The following ST3GAL4 variants were observed in gnomAD, a reference collection of about 807,000 sequenced individuals.
ST3GAL4 encodes the protein CMP-N-acetylneuraminate-beta-galactosamide-alpha-2,3-sialyltransferase 4.
In ST3GAL4, 24 loss-of-function variants were observed where a neutral mutation model predicts 42.6. That is an observed-to-expected ratio of 0.56 (90% CI 0.41 to 0.79). ST3GAL4 has a LOEUF of 0.79. ST3GAL4 is among the 30% of genes least tolerant of loss of function. ST3GAL4 has a pLI of 0.00. For missense variants in ST3GAL4, 311 were observed against 430.8 expected (o/e 0.72, Z 2.46); for synonymous variants, 135 against 163.2 (o/e 0.83, Z 1.32).
chr11:126,383,426 G>GAGC lies in ST3GAL4; in HGVS notation c.-60-22654_-60-22652dup, dbSNP rs371300179. ...GAACCCACTGGGCCTGAGGGAGGTAGAGCAGCAGCAGCAGCAGCTGAGCCC... is the reference window on the plus strand; with the variant it reads ...GAACCCACTGGGCCTGAGGGAGGTAGAGCAGCAGCAGCAGCAGCAGCTGAGCCC... On this transcript the variant is annotated intron_variant, in intron 1 of 10. Transcript: ENST00000444328. The surrounding 1 kb of genome is among the most constrained non-coding windows in gnomAD (Gnocchi z 4.5). 2.0e-5 allele frequency among the ~76,000 whole-genome samples: 3 copies of GAGC among 152,114 alleles called. No homozygotes were observed. Among genetic ancestry groups the GAGC allele is most frequent in the Non-Finnish European group, 2.9e-5 (2 of 68,002 alleles).
Position 126,406,805 on chromosome 11 carries a change from C to T in ST3GAL4, c.102-138C>T. The T allele has an allele frequency of 1.0e-6, 1 of 980,980 alleles. No individual in the cohort carries two copies. The highest frequency in any genetic ancestry group is 1.6e-6 in the Non-Finnish European group (1 of 643,666). The allele number at this position is 980,980 out of a possible 1,614,324, so 60.8% of individuals were successfully genotyped here. ...ACCTGGATCCTCAAGGACTTGGGTT[C>T]CAAGTGGAACTTAACTTGAGATGAT... On this transcript the variant is annotated intron_variant, in intron 3 of 10. Coordinates refer to ENST00000444328, the MANE Select transcript of ST3GAL4 (RefSeq NM_001254757.2). The surrounding 1 kb of genome is among the most constrained non-coding windows in gnomAD (Gnocchi z 5.4).
intron 1 of ST3GAL4, among the ~76,000 whole-genome samples, chr11:126,402,378 C>G (rs988278521): frequency 1.3e-5 from 2 of 150,914 alleles, no homozygotes; most frequent in African/African-American, 4.9e-5. Flanking sequence ...ATCATTTGAA[C>G]CTGGGAGGTG....
rs1231880126 is a variant in ST3GAL4, at chr11:126,359,733, CTCCT to C, written c.-61+3895_-61+3898del. ...GGCAGGACAAGGTTCTTCTCCCTCC[CTCCT>C]TCCCTCCTTCCCTCCTTCCCTCCTT... On this transcript the variant is annotated intron_variant, in intron 1 of 10. Coordinates refer to ENST00000444328, the MANE Select transcript of ST3GAL4 (RefSeq NM_001254757.2). This position sits in a 1 kb window ranked among gnomAD's most constrained non-coding sequence, Gnocchi z 4.8. 3.6e-5 allele frequency among the ~76,000 whole-genome samples: 4 copies of C among 110,342 alleles called. No homozygotes were observed. Among genetic ancestry groups the C allele is most frequent in the African/African-American group, 1.2e-4 (3 of 24,396 alleles). The allele number at this position is 110,342 out of a possible 152,430, so 72.4% of individuals were successfully genotyped here.
intron 1 of ST3GAL4, among the ~76,000 whole-genome samples, chr11:126,382,100 C>T (rs1354319299): frequency 6.6e-6 from 1 of 152,092 alleles, no homozygotes; most frequent in Non-Finnish European, 1.5e-5. Context: ...GCTGACCCTG[C>T]AGCTGTCCAA....
chr11:126,366,609 G>T lies in ST3GAL4; in HGVS notation c.-61+10767G>T, dbSNP rs1468868067. Among the ~76,000 whole-genome samples the T allele has an allele frequency of 2.0e-5, 3 of 152,156 alleles. No individual in the cohort carries two copies. The highest frequency in any genetic ancestry group is 6.5e-5 in the Admixed American group (1 of 15,272). On this transcript the variant is annotated intron_variant, in intron 1 of 10. Transcript: ENST00000444328. This position sits in a 1 kb window ranked among gnomAD's most constrained non-coding sequence, Gnocchi z 4.2. Reference sequence around the variant, plus strand: ...CAGGGCCCTCCCCTCTGGCGAGTCTGCCTCTCACTCGCTCAGCCCCTTTAA... The same window carrying T: ...CAGGGCCCTCCCCTCTGGCGAGTCTTCCTCTCACTCGCTCAGCCCCTTTAA...
chr11:126,360,623 C>G (rs1177735820), intron 1 of ST3GAL4, among the ~76,000 whole-genome samples: 2 of 152,164 alleles, frequency 1.3e-5, no homozygotes, highest in Non-Finnish European at 2.9e-5. Flanking sequence ...AGGGTTTCAT[C>G]ATGTTGGCCA....
chr11:126,408,202 T>A lies in ST3GAL4; in HGVS notation c.437+8T>A. The A allele has an allele frequency of 6.2e-7, 1 of 1,614,076 alleles. No homozygotes were observed. The highest frequency in any genetic ancestry group is 8.5e-7 in the Non-Finnish European group (1 of 1,179,950). On this transcript the variant is annotated splice_region_variant and intron_variant, in intron 7 of 10. Transcript: ENST00000444328. ...GTACGATGTGGTCATCAGGTGTGTGTGACTGTCTCTTCCTACTGTTGTTTG... is the reference window on the plus strand; with the variant it reads ...GTACGATGTGGTCATCAGGTGTGTGAGACTGTCTCTTCCTACTGTTGTTTG...
intron 1 of ST3GAL4, among the ~76,000 whole-genome samples, chr11:126,364,054 A>C (rs1952344870): frequency 1.3e-5 from 2 of 152,214 alleles, no homozygotes; most frequent in Admixed American, 1.3e-4. Flanking sequence ...GCCCTGGGGC[A>C]AGTGTTTGTC....
Position 126,408,474 on chromosome 11 carries a change from C to A in ST3GAL4, c.605C>A (p.Thr202Asn). 1 of 1,614,222 alleles carries A rather than the reference C, an allele frequency of 6.2e-7. No individual in the cohort carries two copies. Among genetic ancestry groups the A allele is most frequent in the Non-Finnish European group, 8.5e-7 (1 of 1,180,040 alleles). The change falls in exon 8 of 11, where the codon ACC becomes AAC. Residue 202 changes from threonine to asparagine, a missense_variant. Coordinates refer to ENST00000444328, the MANE Select transcript of ST3GAL4 (RefSeq NM_001254757.2). ...FKAMDFHWIE[T>N]ILSDKKRVRK... ...GCAATGGACTTCCACTGGATTGAGA[C>A]CATCCTGAGTGATAAGAAGCGGGTA...
Position 126,409,439 on chromosome 11 carries a change from C to T in ST3GAL4, c.771+28C>T. On this transcript the variant is annotated intron_variant, in intron 9 of 10. Transcript: ENST00000444328. The surrounding 1 kb of genome is among the most constrained non-coding windows in gnomAD (Gnocchi z 4.9). ...GATGATGGGAAGTCAGGCCTGAGGG[C>T]TAGGATCCTGGGCGGGAAGTAGGAG... The T allele has an allele frequency of 2.5e-6, 4 of 1,614,000 alleles. No homozygotes were observed. Among genetic ancestry groups the T allele is most frequent in the Non-Finnish European group, 3.4e-6 (4 of 1,179,904 alleles).
Position 126,359,619 on chromosome 11 carries a change from T to A in ST3GAL4, c.-61+3777T>A, listed in dbSNP as rs1952178101. ...AGTGTCAAAGGTGGAACACAAACCCTGACCTCTGAGTGCTCTCCCGAACCC... is the reference window on the plus strand; with the variant it reads ...AGTGTCAAAGGTGGAACACAAACCCAGACCTCTGAGTGCTCTCCCGAACCC... On this transcript the variant is annotated intron_variant, in intron 1 of 10. Transcript: ENST00000444328. The surrounding 1 kb of genome is among the most constrained non-coding windows in gnomAD (Gnocchi z 4.8). Among the ~76,000 whole-genome samples, 1 of 152,196 alleles carries A rather than the reference T, an allele frequency of 6.6e-6. No homozygotes were observed. Among genetic ancestry groups the A allele is most frequent in the African/African-American group, 2.4e-5 (1 of 41,440 alleles).
chr11:126,384,202 C>T lies in ST3GAL4; in HGVS notation c.-60-21894C>T, dbSNP rs1046559035. Among the ~76,000 whole-genome samples the T allele has an allele frequency of 5.3e-5, 8 of 152,194 alleles. No individual in the cohort carries two copies. Among genetic ancestry groups the T allele is most frequent in the Admixed American group, 2.6e-4 (4 of 15,280 alleles). On this transcript the variant is annotated intron_variant, in intron 1 of 10. Transcript: ENST00000444328. This position sits in a 1 kb window ranked among gnomAD's most constrained non-coding sequence, Gnocchi z 5.5. ...CAAGTGCCAGGCTGACCATGGTGTC[C>T]GTCTCAGTGCCCAGCAGTTGTTCTG...
intron 1 of ST3GAL4, among the ~76,000 whole-genome samples, chr11:126,395,696 T>C (rs1953718668): frequency 6.6e-6 from 1 of 152,212 alleles, no homozygotes; most frequent in East Asian, 1.9e-4. Context: ...GTTTCCCTTT[T>C]CACGTGGCTG....
intron 1 of ST3GAL4, among the ~76,000 whole-genome samples, chr11:126,390,707 C>T (rs1160160965): frequency 6.8e-6 from 1 of 146,760 alleles, no homozygotes; most frequent in African/African-American, 2.5e-5. Flanking sequence ...ACCATCTTAA[C>T]TCTTTCTGTG....
At position 126,406,006 on chromosome 11, in the gene ST3GAL4, G is replaced by A; in HGVS notation, c.-60-90G>A. 6.9e-7 allele frequency: 1 copy of A among 1,452,606 alleles called. No homozygotes were observed. Among genetic ancestry groups the A allele is most frequent in the Non-Finnish European group, 9.4e-7 (1 of 1,063,528 alleles). The allele number at this position is 1,452,606 out of a possible 1,614,324, so 90.0% of individuals were successfully genotyped here. The stretch of plus-strand genomic sequence containing the variant: ...GCAGCTTCCTGCTTTCTGGTGGAAG[G>A]GAGGGGCAGACAGTGGGTGTGTCCT... On this transcript the variant is annotated intron_variant, in intron 1 of 10. Coordinates refer to ENST00000444328, the MANE Select transcript of ST3GAL4 (RefSeq NM_001254757.2). This position sits in a 1 kb window ranked among gnomAD's most constrained non-coding sequence, Gnocchi z 5.4.
rs1952904579 is a variant in ST3GAL4 at position 126,378,734 on chromosome 11, A to G, written c.-61+22892A>G. On this transcript the variant is annotated intron_variant, in intron 1 of 10. Coordinates refer to ENST00000444328, the MANE Select transcript of ST3GAL4 (RefSeq NM_001254757.2). The surrounding 1 kb of genome is among the most constrained non-coding windows in gnomAD (Gnocchi z 5.3). ...GATCTGTCCAATAAGCAAGACTGTT[A>G]TGTACATTATGTAGTGGATCTATTG... 6.6e-6 allele frequency among the ~76,000 whole-genome samples: 1 copy of G among 152,186 alleles called. No individual in the cohort carries two copies. Among genetic ancestry groups the G allele is most frequent in the Non-Finnish European group, 1.5e-5 (1 of 68,026 alleles).
Position 126,391,089 on chromosome 11 carries a change from T to G in ST3GAL4, c.-60-15007T>G, listed in dbSNP as rs1953495825. On this transcript the variant is annotated intron_variant, in intron 1 of 10. Transcript: ENST00000444328. This position sits in a 1 kb window ranked among gnomAD's most constrained non-coding sequence, Gnocchi z 5.5. ...TTTTGTGGATCCGTTCATCCACTGATGGACGCTTGGGGGTTGCTTCCACAT... is the reference window on the plus strand; with the variant it reads ...TTTTGTGGATCCGTTCATCCACTGAGGGACGCTTGGGGGTTGCTTCCACAT... Among the ~76,000 whole-genome samples, 4 of 152,222 alleles carry G rather than the reference T, an allele frequency of 2.6e-5. No homozygotes were observed. The highest frequency in any genetic ancestry group is 2.6e-4 in the Admixed American group (4 of 15,280).
intron 1 of ST3GAL4, among the ~76,000 whole-genome samples, chr11:126,371,451 C>A (rs1402120328): frequency 6.6e-6 from 1 of 152,144 alleles, no homozygotes; most frequent in Non-Finnish European, 1.5e-5. Context: ...GCGTGAGCCA[C>A]CGCGCCTGGC....
intron 1 of ST3GAL4, among the ~76,000 whole-genome samples, chr11:126,399,050 A>T (rs1366894586): frequency 6.6e-6 from 1 of 152,164 alleles, no homozygotes; most frequent in Admixed American, 6.5e-5. Context: ...TATTTTCTTG[A>T]TGAATAGCCT....
Sources: gnomAD v4.1 joint callset for allele counts (sites outside exome capture counted in the v4.1 genomes callset) on GRCh38, gnomAD v4.1.1 for gene constraint, Gnocchi (gnomAD v3.1) non-coding constraint, MANE v1.5 for transcripts, NCBI Gene and HGNC (gene_info 2026-07-23, HGNC 2026-07-21) for gene names.